The following ZSCAN5A variants were observed in gnomAD, a reference collection of about 807,000 sequenced individuals.
ZSCAN5A encodes the protein zinc finger and SCAN domain-containing protein 5A.
In ZSCAN5A, 12 loss-of-function variants were observed where a neutral mutation model predicts 23.7. That is an observed-to-expected ratio of 0.51 (90% CI 0.32 to 0.82). The LOEUF is 0.82. Among genes scored for constraint, ZSCAN5A ranks in the 40% least tolerant of loss-of-function variants. The pLI, the probability that ZSCAN5A is intolerant of heterozygous loss-of-function variation, is 0.03. For synonymous variants in ZSCAN5A, 257 were observed against 239.9 expected, an observed-to-expected ratio of 1.07 and a Z score of -0.66; for missense variants, 597 against 617.9, an observed-to-expected ratio of 0.97 and a Z score of 0.36.
chr19:56,268,295 T>A (rs2037613043), intron 2 of ZSCAN5A, among the ~76,000 whole-genome samples: 1 of 152,158 alleles, frequency 6.6e-6, no homozygotes. Flanking sequence ...ACCCCTTGTG[T>A]GGGCGCTGCC....
Position 56,356,597 on chromosome 19 carries a change from A to G in ZSCAN5A, c.-358+6638T>C, listed in dbSNP as rs1002983608. 1.1e-4 allele frequency among the ~76,000 whole-genome samples: 16 copies of G among 148,358 alleles called. 4 individuals are homozygous for G. The highest frequency in any genetic ancestry group is 4.1e-4 in the African/African-American group (16 of 39,306). Reference sequence around the variant, plus strand: ...TACCTTATAACTAAGCCCTGAGGGGAAAGTTAATTTTCTGGCTTCACATAT... The same window carrying G: ...TACCTTATAACTAAGCCCTGAGGGGGAAGTTAATTTTCTGGCTTCACATAT... On this transcript the variant is annotated intron_variant, in intron 2 of 6. Coordinates refer to the ZSCAN5A transcript ENST00000587340.
chr19:56,320,495 C>T (rs1192375709), intron 2 of ZSCAN5A: 1 of 386,048 alleles, frequency 2.6e-6, no homozygotes, highest in Non-Finnish European at 4.8e-6. Context: ...GCCTGTAACT[C>T]CAGGTACTCG....
chr19:56,226,342 G>C (rs56115838), intron 2 of ZSCAN5A, among the ~76,000 whole-genome samples: 39,908 of 151,550 alleles, frequency 0.26, 5,847 homozygotes, highest in Admixed American at 0.34. Flanking sequence ...CGGGGCTCCT[G>C]TGCAAAACAT....
chr19:56,325,683 TAAG>T (rs899229888), intron 2 of ZSCAN5A, among the ~76,000 whole-genome samples: 2 of 151,980 alleles, frequency 1.3e-5, no homozygotes, highest in Admixed American at 1.3e-4. Flanking sequence ...TTGAAGGGGT[TAAG>T]GAGGGAGAAT....
chr19:56,231,137 T>C (rs918315965), intron 2 of ZSCAN5A, among the ~76,000 whole-genome samples: 4 of 152,178 alleles, frequency 2.6e-5, no homozygotes, highest in African/African-American at 9.7e-5. Context: ...TGCTTGAGCC[T>C]GGGAGGTCAA....
rs150017581 is a variant in ZSCAN5A, at chr19:56,271,334, G to C, written c.-128+41949C>G. On this transcript the variant is annotated intron_variant, in intron 2 of 5. Coordinates refer to ENST00000683990, the MANE Select transcript of ZSCAN5A (RefSeq NM_001322064.3). Reference sequence around the variant, plus strand: ...TCTGTGCCAAACACAAATGGTGTCAGTGGCCTCCCTTATTACAGCAAGCTC... The same window carrying C: ...TCTGTGCCAAACACAAATGGTGTCACTGGCCTCCCTTATTACAGCAAGCTC... Among the ~76,000 whole-genome samples, 4 of 152,340 alleles carry C rather than the reference G, an allele frequency of 2.6e-5. No homozygotes were observed. In the East Asian group the frequency reaches 7.7e-4, roughly 29 times the overall value.
chr19:56,221,925 C>T lies in ZSCAN5A; in HGVS notation c.1141G>A (p.Glu381Lys), dbSNP rs142761513. The change falls in exon 6 of 6, where the codon GAG becomes AAG. Residue 381 changes from glutamate (E) to lysine (K), a missense_variant. Coordinates refer to ENST00000683990, the MANE Select transcript of ZSCAN5A (RefSeq NM_001322064.3). ...LVIHKRSHTG[E>K]RLFQCNLCGK... ...CAGAGATTACATTGAAAGAGTCTCT[C>T]GCCTGTGTGTGATCTCTTGTGGATG... 7.9e-4 allele frequency: 1,270 copies of T among 1,614,184 alleles called. No homozygotes were observed. Among genetic ancestry groups the T allele is most frequent in the Admixed American group, 1.2e-3 (73 of 60,028 alleles).
In ZSCAN5A at chr19:56,243,988, C is replaced by T. The variant is rs1000964464; in HGVS notation, c.-127-18815G>A. The T allele has an allele frequency of 3.6e-5, 24 of 667,312 alleles. No homozygotes were observed. The Middle Eastern group carries it at 8.5e-4, about 24-fold the overall frequency. 41.3% of individuals were successfully genotyped at this position (667,312 alleles called of 1,614,324 possible). Reference sequence around the variant, plus strand: ...CCTGTCTAGATAGGTCTCAATTAGACACCAGCTACTGGAAGAACTTTCTCA... The same window carrying T: ...CCTGTCTAGATAGGTCTCAATTAGATACCAGCTACTGGAAGAACTTTCTCA... On this transcript the variant is annotated intron_variant, in intron 2 of 5. Transcript: ENST00000683990.
intron 2 of ZSCAN5A, chr19:56,228,557 G>T (rs2034186279): frequency 1.4e-6 from 1 of 738,440 alleles, no homozygotes; most frequent in Middle Eastern, 6.7e-4. Flanking sequence ...ATATAGATTT[G>T]CGAGTTTTAA....
rs1474643105 is a variant in ZSCAN5A, at chr19:56,224,052, C to T, written c.385-218G>A. 6.6e-5 allele frequency among the ~76,000 whole-genome samples: 10 copies of T among 151,822 alleles called. No homozygotes were observed. In the East Asian group the frequency reaches 1.7e-3, roughly 26 times the overall value. Reference sequence around the variant, plus strand: ...GCGCCTGGAATATTCTAGTTAAGTACATAAACATGGGTCCTTTAGATGAAA... The same window carrying T: ...GCGCCTGGAATATTCTAGTTAAGTATATAAACATGGGTCCTTTAGATGAAA... On this transcript the variant is annotated intron_variant, in intron 3 of 5. Coordinates refer to ENST00000683990, the MANE Select transcript of ZSCAN5A (RefSeq NM_001322064.3).
intron 2 of ZSCAN5A, chr19:56,348,042 T>C (rs1004386732): frequency 5.3e-5 from 8 of 152,224 alleles, no homozygotes; most frequent in African/African-American, 1.9e-4. Context: ...CCACTGGAGA[T>C]GGAATTGCCC....
chr19:56,316,558 GAA>G (rs1318744949), upstream of ZSCAN5A: 1 of 158,440 alleles, frequency 6.3e-6, no homozygotes, highest in Non-Finnish European at 1.4e-5. Flanking sequence ...GAGGAGGGGG[GAA>G]AGAGTAGACC....
At chr19:56,331,288 T>G (rs1432899568) in intron 2 of ZSCAN5A, among the ~76,000 whole-genome samples, 2 of 152,032 alleles carry the variant, frequency 1.3e-5, no homozygotes, top group Non-Finnish European at 2.9e-5. Context: ...AGGCTATTCT[T>G]TGGTTTTAGA....
At chr19:56,260,772 T>C (rs1340815914) in intron 2 of ZSCAN5A, among the ~76,000 whole-genome samples, 1 of 152,186 alleles carries the variant, frequency 6.6e-6, no homozygotes, top group African/African-American at 2.4e-5. Flanking sequence ...TGGTACTTTC[T>C]TGAGAGAAGC....
chr19:56,323,332 A>C lies in ZSCAN5A; in HGVS notation c.-357-7064T>G, dbSNP rs552446209. Reference sequence around the variant, plus strand: ...CACCTCAGCCTCCTGAGTAGCTGGGACTAGGTGCATAGTTTATTTTTTGTA... The same window carrying C: ...CACCTCAGCCTCCTGAGTAGCTGGGCCTAGGTGCATAGTTTATTTTTTGTA... On this transcript the variant is annotated intron_variant, in intron 2 of 6. Coordinates refer to the ZSCAN5A transcript ENST00000587340. 5.9e-5 allele frequency among the ~76,000 whole-genome samples: 9 copies of C among 152,020 alleles called. No homozygotes were observed. In the East Asian group the frequency reaches 1.4e-3, roughly 23 times the overall value.
chr19:56,247,008 A>C, intron 2 of ZSCAN5A: 1 of 1,128,890 alleles, frequency 8.9e-7, no homozygotes, highest in Non-Finnish European at 1.3e-6. Context: ...CAGGCCCTGC[A>C]GGTGCAGTCA....
At chr19:56,353,563 G>A (rs948147412) in intron 2 of ZSCAN5A, among the ~76,000 whole-genome samples, 8 of 152,058 alleles carry the variant, frequency 5.3e-5, no homozygotes, top group East Asian at 3.9e-4. Context: ...AGGTCAGGAG[G>A]TCAGGAGATC....
At chr19:56,326,216 C>A (rs1469064042) in intron 2 of ZSCAN5A, among the ~76,000 whole-genome samples, 1 of 151,964 alleles carries the variant, frequency 6.6e-6, no homozygotes. Flanking sequence ...GGATTACAGG[C>A]GTGAGCCACC....
At chr19:56,303,169 T>C (rs137945795) in intron 2 of ZSCAN5A, among the ~76,000 whole-genome samples, 1 of 151,898 alleles carries the variant, frequency 6.6e-6, no homozygotes, top group Admixed American at 6.5e-5. Context: ...GAGGTGAAAA[T>C]AAGGCAGGGT....
Sources: gnomAD v4.1 joint callset for allele counts (sites outside exome capture counted in the v4.1 genomes callset) on GRCh38, gnomAD v4.1.1 for gene constraint, MANE v1.5 for transcripts, NCBI Gene and HGNC (gene_info 2026-07-23, HGNC 2026-07-21) for gene names.